FAM171B: variants seen among roughly 807,000 people sequenced by gnomAD.
FAM171B encodes protein FAM171B.
Under a neutral mutation model 75.6 loss-of-function variants are expected in FAM171B, and 19 were observed. That is an observed-to-expected ratio of 0.25 (90% CI 0.18 to 0.37). FAM171B has a LOEUF of 0.37. Ranked by LOEUF, FAM171B falls within the 10% of genes least tolerant of loss-of-function variation. The pLI, the probability that FAM171B is intolerant of heterozygous loss-of-function variation, is 1.00. For missense variants in FAM171B, 848 were observed against 982.4 expected (o/e 0.86, Z 1.83); for synonymous variants, 367 against 361.7 (o/e 1.01, Z -0.17).
intron 4 of FAM171B, among the ~76,000 whole-genome samples, chr2:186,749,807 A>G (rs1178715262): frequency 6.6e-6 from 1 of 152,058 alleles, no homozygotes; most frequent in Non-Finnish European, 1.5e-5. Flanking sequence ...AAGTTCTTGA[A>G]GGTTCTTCCC....
At chr2:186,694,790 CA>C (rs1559078597) in intron 1 of FAM171B, among the ~76,000 whole-genome samples, 70 of 137,552 alleles carry the variant, frequency 5.1e-4, no homozygotes, top group African/African-American at 1.4e-3. Flanking sequence ...CACACACACA[CA>C]CACCGTTCTT....
intron 1 of FAM171B, among the ~76,000 whole-genome samples, chr2:186,731,115 C>A (rs1327219302): frequency 6.6e-6 from 1 of 152,140 alleles, no homozygotes; most frequent in Non-Finnish European, 1.5e-5. Context: ...CAACATTATC[C>A]TTAATTCCTT....
chr2:186,743,231 T>A (rs1304006349), intron 2 of FAM171B, among the ~76,000 whole-genome samples: 1 of 152,192 alleles, frequency 6.6e-6, no homozygotes, highest in Non-Finnish European at 1.5e-5. Flanking sequence ...TGGTATAGAC[T>A]ACTACCATCA....
Position 186,736,567 on chromosome 2 carries a change from G to T in FAM171B, c.239-3661G>T, listed in dbSNP as rs75824513. On this transcript the variant is annotated intron_variant, in intron 1 of 7. Coordinates refer to ENST00000304698, the MANE Select transcript of FAM171B (RefSeq NM_177454.4). ...GTGTGTGTGTGTGTGTGTGTGTGTG[G>T]GAGAGAGAGAGAGAGAGAGAGAATG... 1.4e-3 allele frequency among the ~76,000 whole-genome samples: 150 copies of T among 104,570 alleles called. 1 individual carries two copies. The highest frequency in any genetic ancestry group is 0.011 in the Middle Eastern group (2 of 182). 68.6% of individuals were successfully genotyped at this position (104,570 alleles called of 152,430 possible).
At position 186,737,077 on chromosome 2, in the gene FAM171B, A is replaced by AT. The variant is rs1239096433; in HGVS notation, c.239-3147dup. Among the ~76,000 whole-genome samples, 3 of 152,140 alleles carry AT rather than the reference A, an allele frequency of 2.0e-5. No homozygotes were observed. In the East Asian group the frequency reaches 5.8e-4, roughly 29 times the overall value. Reference sequence around the variant, plus strand: ...CTCAAAGTAGCTAACTATTTTCCTGATTTTACATATGACCAAATGGACTTT... The same window carrying AT: ...CTCAAAGTAGCTAACTATTTTCCTGATTTTTACATATGACCAAATGGACTTT... On this transcript the variant is annotated intron_variant, in intron 1 of 7. Coordinates refer to ENST00000304698, the MANE Select transcript of FAM171B (RefSeq NM_177454.4).
intron 1 of FAM171B, among the ~76,000 whole-genome samples, chr2:186,736,567 G>GTGTGTGTGTGTGTGTGTGGGA (rs55683607): frequency 9.6e-5 from 10 of 104,594 alleles, no homozygotes; most frequent in Non-Finnish European, 1.6e-4. Flanking sequence ...TGTGTGTGTG[G>GTGTGTGTGTGTGTGTGTGGGA]GAGAGAGAGA....
intron 1 of FAM171B, among the ~76,000 whole-genome samples, chr2:186,717,651 A>G (rs532062261): frequency 6.6e-6 from 1 of 152,170 alleles, no homozygotes; most frequent in African/African-American, 2.4e-5. Context: ...CTTAGGCCTC[A>G]GTATTTTTTC....
intron 1 of FAM171B, among the ~76,000 whole-genome samples, chr2:186,705,910 T>C (rs964591726): frequency 6.6e-6 from 1 of 152,228 alleles, no homozygotes; most frequent in Non-Finnish European, 1.5e-5. Context: ...TTGAAATTGA[T>C]TCATATCTAG....
At position 186,720,714 on chromosome 2, in the gene FAM171B, AAAG is replaced by A. The variant is rs1189856928; in HGVS notation, c.239-19511_239-19509del. Among the ~76,000 whole-genome samples, 195 of 116,374 alleles carry A rather than the reference AAAG, an allele frequency of 1.7e-3. 1 individual carries two copies. The highest frequency in any genetic ancestry group is 3.2e-3 in the South Asian group (12 of 3,726). The allele number at this position is 116,374 out of a possible 152,430, so 76.3% of individuals were successfully genotyped here. A position where few individuals can be genotyped will look rare whatever the true frequency, so the allele number is the denominator to read the frequency against. On this transcript the variant is annotated intron_variant, in intron 1 of 7. Transcript: ENST00000304698. ...TAGATCATGTACAAAAAAAAAAAAA[AAAG>A]AAAAGAAAACAAAACAAAACAAAAA...
chr2:186,762,664 C>A lies in FAM171B; in HGVS notation c.2322C>A (p.His774Gln). 3 of 1,612,994 alleles carry A rather than the reference C, an allele frequency of 1.9e-6. No homozygotes were observed. Among genetic ancestry groups the A allele is most frequent in the Non-Finnish European group, 8.5e-7 (1 of 1,179,592 alleles). Residue 774 changes from histidine to glutamine, a missense_variant, in exon 8 of 8, where the codon CAC becomes CAA. His to Gln is a conservative substitution (Grantham distance 24, BLOSUM62 0). Coordinates refer to ENST00000304698, the MANE Select transcript of FAM171B (RefSeq NM_177454.4). The surrounding 1 kb of genome is among the most constrained non-coding windows in gnomAD (Gnocchi z 4.0). ...LDGGSGVIME[H>Q]PGEESPGRKS... ...GAGGGAGTGGAGTGATCATGGAGCA[C>A]CCTGGAGAAGAGTCGCCAGGAAGGA...
At chr2:186,734,677 T>C (rs1690171165) in intron 1 of FAM171B, among the ~76,000 whole-genome samples, 2 of 152,130 alleles carry the variant, frequency 1.3e-5, no homozygotes, top group South Asian at 4.1e-4. Context: ...CTCATTCTGG[T>C]CTGTGGAACT....
intron 1 of FAM171B, among the ~76,000 whole-genome samples, chr2:186,737,437 G>T (rs1048072405): frequency 6.6e-6 from 1 of 152,132 alleles, no homozygotes; most frequent in Non-Finnish European, 1.5e-5. Flanking sequence ...GCTCACTGCA[G>T]CCTTGACCTC....
At position 186,763,005 on chromosome 2, in the gene FAM171B, C is replaced by A; in HGVS notation, c.*182C>A. The A allele has an allele frequency of 2.9e-6, 2 of 685,488 alleles. No homozygotes were observed. The highest frequency in any genetic ancestry group is 4.6e-6 in the Non-Finnish European group (2 of 432,476). The allele number at this position is 685,488 out of a possible 1,614,324, so 42.5% of individuals were successfully genotyped here. Reference sequence around the variant, plus strand: ...GATACCAAGGAATGCTTTTTCTGGCCTATTCATTTATTTTTGGGTGATGAA... The same window carrying A: ...GATACCAAGGAATGCTTTTTCTGGCATATTCATTTATTTTTGGGTGATGAA... On this transcript the variant is annotated 3_prime_UTR_variant, in exon 8 of 8. Coordinates refer to ENST00000304698, the MANE Select transcript of FAM171B (RefSeq NM_177454.4).
At chr2:186,756,916 C>A (rs1690540626) in intron 6 of FAM171B, among the ~76,000 whole-genome samples, 1 of 152,020 alleles carries the variant, frequency 6.6e-6, no homozygotes, top group Non-Finnish European at 1.5e-5. Context: ...ATAAAGGATA[C>A]AGATAAAGAG....
In FAM171B at chr2:186,696,437, C is replaced by T. The variant is rs150417251; in HGVS notation, c.238+2026C>T. Among the ~76,000 whole-genome samples, 287 of 138,972 alleles carry T rather than the reference C, an allele frequency of 2.1e-3. 2 individuals are homozygous for T. The highest frequency in any genetic ancestry group is 4.5e-3 in the East Asian group (21 of 4,662). The allele number at this position is 138,972 out of a possible 152,430, so 91.2% of individuals were successfully genotyped here. ...CTTTGTTTCCCTACTGTCTGTTCTCCTCACACAGCTAGCGATCTTTAAAAA... is the reference window on the plus strand; with the variant it reads ...CTTTGTTTCCCTACTGTCTGTTCTCTTCACACAGCTAGCGATCTTTAAAAA... On this transcript the variant is annotated intron_variant, in intron 1 of 7. Coordinates refer to ENST00000304698, the MANE Select transcript of FAM171B (RefSeq NM_177454.4).
At chr2:186,707,980 T>A (rs1689756343) in intron 1 of FAM171B, among the ~76,000 whole-genome samples, 1 of 152,158 alleles carries the variant, frequency 6.6e-6, no homozygotes, top group Non-Finnish European at 1.5e-5. Flanking sequence ...TCCATATTTA[T>A]CTTTTCCTTT....
chr2:186,734,285 T>C (rs2105783479), intron 1 of FAM171B, among the ~76,000 whole-genome samples: 1 of 152,056 alleles, frequency 6.6e-6, no homozygotes, highest in East Asian at 1.9e-4. Flanking sequence ...TCTCAATGTC[T>C]GTAGCCCTCA....
At chr2:186,739,001 C>T (rs1045941886) in intron 1 of FAM171B, among the ~76,000 whole-genome samples, 7 of 152,150 alleles carry the variant, frequency 4.6e-5, no homozygotes, top group Admixed American at 3.9e-4. Flanking sequence ...GCTATTGCTC[C>T]TAAGCTGCAA....
chr2:186,720,374 CCTA>C (rs1689934436), intron 1 of FAM171B, among the ~76,000 whole-genome samples: 1 of 152,152 alleles, frequency 6.6e-6, no homozygotes, highest in Admixed American at 6.5e-5. Context: ...TTTTTCCCCT[CCTA>C]CTTAATACAT....
Sources: gnomAD v4.1 joint callset for allele counts (sites outside exome capture counted in the v4.1 genomes callset) on GRCh38, gnomAD v4.1.1 for gene constraint, Gnocchi (gnomAD v3.1) non-coding constraint, MANE v1.5 for transcripts, NCBI Gene and HGNC (gene_info 2026-07-23, HGNC 2026-07-21) for gene names.